STYXL1: variants seen among roughly 807,000 people sequenced by gnomAD.
STYXL1 encodes the protein serine/threonine/tyrosine interacting like 1, also known as serine/threonine/tyrosine-interacting-like protein 1.
Under a neutral mutation model 36.4 loss-of-function variants are expected in STYXL1, and 32 were observed. The ratio of observed to expected loss-of-function variants is 0.88; its 90% confidence interval spans 0.66 to 1.18. The LOEUF (loss-of-function observed/expected upper bound fraction) is 1.18, where lower values mean the gene tolerates loss of function less well. STYXL1 is among the 50% of genes most tolerant of loss of function. The pLI is 0.00. For synonymous variants in STYXL1, 133 were observed against 144.1 expected (o/e 0.92, Z 0.55); for missense variants, 354 against 394.1 (o/e 0.90, Z 0.86).
intron 1 of STYXL1, among the ~76,000 whole-genome samples, chr7:76,032,399 GA>G (rs34141153): frequency 9.8e-5 from 13 of 132,350 alleles, no homozygotes; most frequent in Admixed American, 1.6e-4. Flanking sequence ...ACCCTGTCTT[GA>G]AAAAAAAAAA....
chr7:76,037,819 C>A (rs1796069623), intron 1 of STYXL1, among the ~76,000 whole-genome samples: 1 of 149,876 alleles, frequency 6.7e-6, no homozygotes, highest in African/African-American at 2.4e-5. Flanking sequence ...CTGGCTCAAG[C>A]TGACCAGCCC....
chr7:76,019,919 C>A (rs1362310818), intron 4 of STYXL1, among the ~76,000 whole-genome samples: 32 of 139,184 alleles, frequency 2.3e-4, no homozygotes, highest in Non-Finnish European at 2.1e-4. Flanking sequence ...CAAAGCGAGA[C>A]CCTGACTCAA....
At chr7:76,038,010 A>G (rs1563522718) in intron 1 of STYXL1, among the ~76,000 whole-genome samples, 1 of 150,090 alleles carries the variant, frequency 6.7e-6, no homozygotes, top group African/African-American at 2.4e-5. Context: ...AATGATATAA[A>G]TTGCCTAGCA....
chr7:76,009,469 T>C (rs1363869391), intron 5 of STYXL1, among the ~76,000 whole-genome samples: 1 of 152,174 alleles, frequency 6.6e-6, no homozygotes, highest in East Asian at 1.9e-4. Flanking sequence ...TGGAGTGCAG[T>C]GGTGTGACTC....
At position 76,013,744 on chromosome 7, in the gene STYXL1, G is replaced by C. The variant is rs1554572948; in HGVS notation, c.451C>G (p.Gln151Glu). Residue 151 changes from glutamine to glutamate, a missense_variant and splice_region_variant, in exon 5 of 9, where the codon CAG becomes GAG. By Grantham distance (29) the Gln-to-Glu change is conservative. Coordinates refer to ENST00000359697, the MANE Select transcript of STYXL1 (RefSeq NM_001317785.2). ...LRTQKIIWMP[Q>E]ELDAFQPYPI... ...CTGTGCTCAGCATTTGGCCCTACCT[G>C]AGGCATCCAGATGATCTTCTGGGTC... The C allele has an allele frequency of 2.5e-6, 4 of 1,613,846 alleles. No homozygotes were observed. The highest frequency in any genetic ancestry group is 3.4e-6 in the Non-Finnish European group (4 of 1,179,888).
chr7:76,007,326 T>C (rs973892633), intron 5 of STYXL1, among the ~76,000 whole-genome samples: 2 of 152,082 alleles, frequency 1.3e-5, no homozygotes, highest in African/African-American at 4.8e-5. Context: ...CTCGGGAGGC[T>C]GAGGCAGGAG....
chr7:76,027,532 G>A (rs571655071), intron 3 of STYXL1, among the ~76,000 whole-genome samples: 1 of 151,904 alleles, frequency 6.6e-6, no homozygotes, highest in African/African-American at 2.4e-5. Flanking sequence ...GCTGAGATAG[G>A]AGGGTTGATT....
intron 3 of STYXL1, 78 bp downstream of exon 3, chr7:76,028,564 G>C (rs574634807): frequency 2.1e-5 from 28 of 1,348,970 alleles, no homozygotes; most frequent in Non-Finnish European, 3.0e-5. Context: ...CCGCTGGATT[G>C]AGGGTGAAAC....
In STYXL1 at chr7:76,047,926, G is replaced by T. The variant is rs752435372; in HGVS notation, c.-269C>A. The T allele has an allele frequency of 4.9e-6, 7 of 1,429,926 alleles. No homozygotes were observed. In the South Asian group the frequency reaches 8.6e-5, roughly 18 times the overall value. The allele number at this position is 1,429,926 out of a possible 1,614,324, so 88.6% of individuals were successfully genotyped here. A position where few individuals can be genotyped will look rare whatever the true frequency, so the allele number is the denominator to read the frequency against. ...CAGGTCCCCCACCGGCCACACAGACGGCTACGCTAGAACCCAGCCAAACAC... is the reference window on the plus strand; with the variant it reads ...CAGGTCCCCCACCGGCCACACAGACTGCTACGCTAGAACCCAGCCAAACAC... On this transcript the variant is annotated 5_prime_UTR_variant, in exon 1 of 9. Coordinates refer to ENST00000359697, the MANE Select transcript of STYXL1 (RefSeq NM_001317785.2).
chr7:76,045,280 AAATAGATTCCTAAACAATCTCCCTG>A (rs146130564), intron 1 of STYXL1: 5 of 151,924 alleles, frequency 3.3e-5, no homozygotes, highest in African/African-American at 9.7e-5. Flanking sequence ...GTCATCCATA[AAATAGATTCCTAAACAATCTCCCTG>A]AATAGATTCC....
intron 4 of STYXL1, among the ~76,000 whole-genome samples, chr7:76,016,837 G>A (rs1793432669): frequency 6.6e-6 from 1 of 151,986 alleles, no homozygotes; most frequent in Non-Finnish European, 1.5e-5. Context: ...GATTTGTCAA[G>A]GAACCAAAAA....
chr7:76,031,614 C>T (rs983798246), intron 1 of STYXL1, among the ~76,000 whole-genome samples: 2 of 151,300 alleles, frequency 1.3e-5, no homozygotes, highest in Non-Finnish European at 2.9e-5. Context: ...ACTTGGGAGG[C>T]TGAGGCAGGA....
At chr7:76,041,298 CAT>C (rs1214471004) in intron 1 of STYXL1, among the ~76,000 whole-genome samples, 4 of 151,998 alleles carry the variant, frequency 2.6e-5, no homozygotes, top group East Asian at 1.9e-4. Context: ...TCTGATAGCA[CAT>C]GATTGTGATA....
chr7:76,022,377 A>G (rs1448402622), intron 3 of STYXL1, among the ~76,000 whole-genome samples: 1 of 152,048 alleles, frequency 6.6e-6, no homozygotes, highest in Non-Finnish European at 1.5e-5. Context: ...CAGAAATACC[A>G]GACTGGATGC....
Position 76,028,652 on chromosome 7 carries a change from C to T in STYXL1, c.155G>A (p.Arg52Gln), listed in dbSNP as rs782118902. Residue 52 changes from arginine to glutamine, a missense_variant, in exon 3 of 9, where the codon CGA (arginine) becomes CAA (glutamine). Physicochemically the swap from Arg to Gln is conservative, Grantham distance 43. Coordinates refer to ENST00000359697, the MANE Select transcript of STYXL1 (RefSeq NM_001317785.2). ...ACGCTGCCCATGTACCTTCTTCACT[C>T]GAAGGGCAGTGATCACATGGCTTTC... ...YDESHVITAL[R>Q]VKKKNNEYLL... 8.1e-6 allele frequency: 13 copies of T among 1,613,870 alleles called. No individual in the cohort carries two copies. The highest frequency in any genetic ancestry group is 2.2e-5 in the East Asian group (1 of 44,896).
chr7:76,012,749 C>G (rs1554572565), intron 5 of STYXL1, among the ~76,000 whole-genome samples: 3 of 152,188 alleles, frequency 2.0e-5, no homozygotes. Context: ...TCAGGCCGGT[C>G]TCAAAGTACT....
chr7:76,021,080 A>ATTTTTTTTTTTTTTTTTTTTTTTTTTT, intron 4 of STYXL1, among the ~76,000 whole-genome samples: 1 of 144,964 alleles, frequency 6.9e-6, no homozygotes, highest in African/African-American at 2.5e-5. Flanking sequence ...TGTTACAAGA[A>ATTTTTTTTTTTTTTTTTTTTTTTTTTT]TTTTTTTTTT....
chr7:76,032,424 G>T (rs1795469472), intron 1 of STYXL1, among the ~76,000 whole-genome samples: 1 of 150,052 alleles, frequency 6.7e-6, no homozygotes, highest in East Asian at 2.0e-4. Flanking sequence ...AGAAGGAGGA[G>T]GATCAGCTGG....
chr7:76,035,603 C>G (rs10954750), intron 1 of STYXL1, among the ~76,000 whole-genome samples: 88,204 of 148,984 alleles, frequency 0.59, 31,219 homozygotes, highest in Middle Eastern at 0.81. Context: ...ACTCCCACCC[C>G]CCAAGTCAGG....
Sources: gnomAD v4.1 joint callset for allele counts (sites outside exome capture counted in the v4.1 genomes callset) on GRCh38, gnomAD v4.1.1 for gene constraint, MANE v1.5 for transcripts, NCBI Gene and HGNC (gene_info 2026-07-23, HGNC 2026-07-21) for gene names.